Variants in PPFIBP1 observed in about 807,000 individuals in gnomAD.
PPFIBP1 encodes PPFIB scaffold protein 1, also known as liprin-beta-1.
PPFIBP1 carries 112 observed loss-of-function variants against 137.8 expected under a neutral mutation model. The observed-to-expected ratio is 0.81, with a 90% CI of 0.70 to 0.95. The LOEUF (loss-of-function observed/expected upper bound fraction) is 0.95. PPFIBP1 is among the 40% of genes least tolerant of loss of function. The pLI, the probability that PPFIBP1 is intolerant of heterozygous loss-of-function variation, is 0.00. For synonymous variants in PPFIBP1, 378 were observed against 417.3 expected, an observed-to-expected ratio of 0.91 and a Z score of 1.15; for missense variants, 1,083 against 1,196.6, an observed-to-expected ratio of 0.91 and a Z score of 1.40.
rs200059543 is a variant in PPFIBP1, at chr12:27,679,448, A to G, written c.1616-41A>G. On this transcript the variant is annotated intron_variant, in intron 19 of 29. Coordinates refer to ENST00000228425, the MANE Select transcript of PPFIBP1 (RefSeq NM_003622.4). ...AGAAGATTAACATCATGTTTATTCC[A>G]TATTTTAAAATTCATTGTCTGCATT... 302 of 1,564,574 alleles carry G rather than the reference A, an allele frequency of 1.9e-4. 2 individuals are homozygous for G. In the Admixed American group the frequency reaches 2.0e-3, roughly 10 times the overall value.
intron 1 of PPFIBP1, among the ~76,000 whole-genome samples, chr12:27,545,732 G>A (rs373371017): frequency 3.9e-5 from 6 of 152,312 alleles, no homozygotes; most frequent in South Asian, 2.1e-4. Context: ...AATCCTCCAA[G>A]TGCCTCAAAT....
At chr12:27,525,081 T>TCTC (rs1220120464) in intron 1 of PPFIBP1, among the ~76,000 whole-genome samples, 5 of 152,198 alleles carry the variant, frequency 3.3e-5, no homozygotes, top group Non-Finnish European at 7.4e-5. Flanking sequence ...AGGGGCGAGC[T>TCTC]GGTAGTTGTG....
chr12:27,639,446 T>A (rs1200409082), intron 4 of PPFIBP1, among the ~76,000 whole-genome samples: 3 of 152,158 alleles, frequency 2.0e-5, no homozygotes, highest in African/African-American at 7.2e-5. Flanking sequence ...AACATTCTTA[T>A]AATGTTTTTT....
At chr12:27,688,101 C>A in intron 25 of PPFIBP1, 197 bp from the exon 26 acceptor site, 2 of 565,726 alleles carry the variant, frequency 3.5e-6, no homozygotes, top group Non-Finnish European at 5.9e-6. Flanking sequence ...AAAAAAAAGA[C>A]TTCCTTTCCT....
chr12:27,672,552 C>T, intron 15 of PPFIBP1, 69 bp downstream of exon 15: 1 of 1,142,864 alleles, frequency 8.7e-7, no homozygotes, highest in Non-Finnish European at 1.3e-6. Flanking sequence ...GTTATACTAA[C>T]AATTACTAAT....
In PPFIBP1 at chr12:27,564,979, T is replaced by C. The variant is rs549667637; in HGVS notation, c.-123-13173T>C. On this transcript the variant is annotated intron_variant, in intron 1 of 29. Transcript: ENST00000228425. Reference sequence around the variant, plus strand: ...ACTGCTAGAAAAAATGATGAATCACTGCTGTCTCTTCAGCAGACTAATTAA... The same window carrying C: ...ACTGCTAGAAAAAATGATGAATCACCGCTGTCTCTTCAGCAGACTAATTAA... Among the ~76,000 whole-genome samples, 407 of 152,332 alleles carry C rather than the reference T, an allele frequency of 2.7e-3. 2 individuals carry two copies. Among genetic ancestry groups the C allele is most frequent in the African/African-American group, 9.1e-3 (378 of 41,578 alleles).
intron 29 of PPFIBP1, 53 bp downstream of exon 29, chr12:27,692,709 A>C (rs1369928690): frequency 6.2e-7 from 1 of 1,614,026 alleles, no homozygotes; most frequent in Non-Finnish European, 8.5e-7. Context: ...CTTTTATAAC[A>C]ACCCCAAAGG....
At chr12:27,601,872 C>G (rs1014477888) in intron 2 of PPFIBP1, among the ~76,000 whole-genome samples, 1 of 152,176 alleles carries the variant, frequency 6.6e-6, no homozygotes, top group Non-Finnish European at 1.5e-5. Context: ...CTGTAAGCTC[C>G]CAAACTGCTG....
intron 1 of PPFIBP1, among the ~76,000 whole-genome samples, chr12:27,566,134 T>C (rs993496824): frequency 1.3e-5 from 2 of 152,196 alleles, no homozygotes; most frequent in African/African-American, 4.8e-5. Context: ...AGCCCAGTGG[T>C]AGGTATCGAA....
chr12:27,641,612 A>G (rs2058107207), intron 4 of PPFIBP1, among the ~76,000 whole-genome samples: 1 of 152,186 alleles, frequency 6.6e-6, no homozygotes, highest in Admixed American at 6.6e-5. Flanking sequence ...TTATGTCTTT[A>G]TGCTTGATTG....
chr12:27,553,424 G>A (rs1189339305), intron 1 of PPFIBP1, among the ~76,000 whole-genome samples: 1 of 152,186 alleles, frequency 6.6e-6, no homozygotes, highest in Non-Finnish European at 1.5e-5. Context: ...GGAGCCAAGA[G>A]TGCCCAGTGA....
intron 9 of PPFIBP1, 81 bp from the exon 10 acceptor site, chr12:27,658,735 G>A: frequency 4.9e-6 from 7 of 1,419,806 alleles, no homozygotes; most frequent in Non-Finnish European, 6.8e-6. Flanking sequence ...GGTAAAAAGA[G>A]ACTAAATAGT....
At chr12:27,601,189 A>G (rs1459972976) in intron 2 of PPFIBP1, among the ~76,000 whole-genome samples, 4 of 152,226 alleles carry the variant, frequency 2.6e-5, no homozygotes, top group African/African-American at 7.2e-5. Flanking sequence ...GAAAAAAAGA[A>G]CCAATGTAAA....
chr12:27,551,599 G>A (rs1342908005), intron 1 of PPFIBP1, among the ~76,000 whole-genome samples: 2 of 152,200 alleles, frequency 1.3e-5, no homozygotes, highest in African/African-American at 2.4e-5. Flanking sequence ...GTAAGTCTCT[G>A]GAGATGAACA....
At chr12:27,557,450 T>C (rs925105965) in intron 1 of PPFIBP1, among the ~76,000 whole-genome samples, 2 of 152,066 alleles carry the variant, frequency 1.3e-5, no homozygotes, top group African/African-American at 4.8e-5. Context: ...TTAGCCAGGA[T>C]GGTCTCAATC....
intron 4 of PPFIBP1, chr12:27,635,455 G>T (rs529960523): frequency 2.3e-4 from 97 of 428,786 alleles, no homozygotes; most frequent in Admixed American, 5.0e-4. Flanking sequence ...AGTCATATTG[G>T]GTTATTCACC....
In PPFIBP1 at chr12:27,544,776, G is replaced by A. The variant is rs192911608; in HGVS notation, c.-124+20411G>A. ...GGAGAGGATGTAGAGAAATAGGAACGCTGTTGGTGGGAGTGTAAATTAGTT... is the reference window on the plus strand; with the variant it reads ...GGAGAGGATGTAGAGAAATAGGAACACTGTTGGTGGGAGTGTAAATTAGTT... On this transcript the variant is annotated intron_variant, in intron 1 of 29. Coordinates refer to ENST00000228425, the MANE Select transcript of PPFIBP1 (RefSeq NM_003622.4). Among the ~76,000 whole-genome samples the A allele has an allele frequency of 1.1e-3, 161 of 151,826 alleles. 1 individual carries two copies. Among genetic ancestry groups the A allele is most frequent in the South Asian group, 1.7e-3 (8 of 4,808 alleles).
At chr12:27,616,782 A>T (rs1474321167) in intron 2 of PPFIBP1, among the ~76,000 whole-genome samples, 1 of 152,254 alleles carries the variant, frequency 6.6e-6, no homozygotes, top group Non-Finnish European at 1.5e-5. Context: ...AGGGTTCCCC[A>T]GGATTGGCTT....
Position 27,676,498 on chromosome 12 carries a change from T to C in PPFIBP1, c.1481T>C (p.Met494Thr). 6.2e-7 allele frequency: 1 copy of C among 1,608,410 alleles called. No homozygotes were observed. The highest frequency in any genetic ancestry group is 2.2e-5 in the East Asian group (1 of 44,658). Residue 494 changes from methionine to threonine, a missense_variant, in exon 18 of 30, where the codon ATG becomes ACG. Transcript: ENST00000228425. ...PPRPPGQDTS[M>T]DDNPFGTRKV... ...AGGCCCCCAGGGCAGGACACCTCCA[T>C]GGATGACAACCCCTTCGGCACTCGA...
Sources: gnomAD v4.1 joint callset for allele counts (sites outside exome capture counted in the v4.1 genomes callset) on GRCh38, gnomAD v4.1.1 for gene constraint, MANE v1.5 for transcripts, NCBI Gene and HGNC (gene_info 2026-07-23, HGNC 2026-07-21) for gene names.